Variants in STX8 observed in about 807,000 individuals in gnomAD.
STX8 encodes syntaxin 8.
STX8 carries 23 observed loss-of-function variants against 37.5 expected under a neutral mutation model. The observed-to-expected ratio is 0.61, with a 90% confidence interval of 0.44 to 0.87. The LOEUF (loss-of-function observed/expected upper bound fraction) is 0.87, where lower values mean the gene tolerates loss of function less well. Ranked by LOEUF, STX8 falls within the 40% of genes least tolerant of loss-of-function variation. STX8 has a pLI of 0.00. For synonymous variants in STX8, 115 were observed against 99.1 expected (o/e 1.16, Z -0.95); for missense variants, 313 against 284.7 (o/e 1.10, Z -0.71).
intron 4 of STX8, among the ~76,000 whole-genome samples, chr17:9,512,974 A>G (rs1299150531): frequency 6.6e-6 from 1 of 152,190 alleles, no homozygotes; most frequent in Non-Finnish European, 1.5e-5. Flanking sequence ...CTGGGAAAAG[A>G]TTTTATGAGT....
At chr17:9,434,808 T>G (rs1904367663) in intron 6 of STX8, among the ~76,000 whole-genome samples, 1 of 152,294 alleles carries the variant, frequency 6.6e-6, no homozygotes, top group East Asian at 1.9e-4. Context: ...CTACTTTTAG[T>G]TGCATGCAAA....
chr17:9,284,416 C>T (rs769833752), intron 7 of STX8, among the ~76,000 whole-genome samples: 4 of 152,144 alleles, frequency 2.6e-5, no homozygotes, highest in Admixed American at 6.5e-5. Context: ...AAATAAACTA[C>T]GGAGAAAATA....
At chr17:9,513,306 C>CT (rs1252989038) in intron 4 of STX8, among the ~76,000 whole-genome samples, 2 of 82,530 alleles carry the variant, frequency 2.4e-5, no homozygotes, top group African/African-American at 4.8e-5. Context: ...TAGTGAGACT[C>CT]TATTTCCAAA....
At chr17:9,423,808 A>G (rs1268298503) in intron 6 of STX8, among the ~76,000 whole-genome samples, 1 of 152,206 alleles carries the variant, frequency 6.6e-6, no homozygotes, top group East Asian at 1.9e-4. Context: ...AAAGCTAGAC[A>G]CTGCACCAGA....
intron 7 of STX8, among the ~76,000 whole-genome samples, chr17:9,371,134 C>A (rs575147805): frequency 6.6e-6 from 1 of 152,258 alleles, no homozygotes; most frequent in Non-Finnish European, 1.5e-5. Context: ...TGGCCCCTTG[C>A]AGTTCAGTCT....
At chr17:9,274,744 C>CTTTTTTTTTTTT (rs201550065) in intron 7 of STX8, among the ~76,000 whole-genome samples, 2 of 88,884 alleles carry the variant, frequency 2.3e-5, no homozygotes, top group Non-Finnish European at 4.5e-5. Context: ...ACAACAATTT[C>CTTTTTTTTTTTT]TTTTTTCTTT....
Position 9,362,848 on chromosome 17 carries a change from T to TA in STX8, c.643+15703dup, listed in dbSNP as rs1567798062. 5.5e-5 allele frequency among the ~76,000 whole-genome samples: 8 copies of TA among 145,184 alleles called. 1 individual carries two copies. In the South Asian group the frequency reaches 1.1e-3, roughly 20 times the overall value. ...CGTCTCAAAAAAAAAAAAAAATAAA[T>TA]AAATAAATAAATAAATAATCTCTTT... is the stretch of plus-strand genomic sequence containing the variant. On this transcript the variant is annotated intron_variant, in intron 7 of 7. Transcript: ENST00000306357.
At chr17:9,372,580 C>T (rs541984224) in intron 7 of STX8, among the ~76,000 whole-genome samples, 3 of 151,942 alleles carry the variant, frequency 2.0e-5, no homozygotes, top group South Asian at 2.1e-4. Flanking sequence ...CGGGTTCAAG[C>T]GATTCTCCTG....
chr17:9,349,792 T>C (rs578153449), intron 7 of STX8, among the ~76,000 whole-genome samples: 2 of 152,066 alleles, frequency 1.3e-5, no homozygotes, highest in African/African-American at 4.8e-5. Flanking sequence ...CTTCTTGTGA[T>C]AATGTGAGAG....
chr17:9,390,028 C>T (rs563906083), intron 6 of STX8, among the ~76,000 whole-genome samples: 8 of 152,290 alleles, frequency 5.3e-5, no homozygotes, highest in African/African-American at 1.7e-4. Flanking sequence ...AAGGAACTCC[C>T]GCAGATCAAA....
chr17:9,538,553 TATC>T (rs1272154847), intron 4 of STX8, among the ~76,000 whole-genome samples: 7 of 152,244 alleles, frequency 4.6e-5, no homozygotes, highest in East Asian at 1.9e-4. Flanking sequence ...ACATTGGAAA[TATC>T]ATGTTTTGTC....
rs555741932 is a variant in STX8, at chr17:9,314,043, T to A, written c.644-63398A>T. Among the ~76,000 whole-genome samples, 22 of 152,344 alleles carry A rather than the reference T, an allele frequency of 1.4e-4. No homozygotes were observed. In the South Asian group the frequency reaches 1.9e-3, roughly 13 times the overall value. On this transcript the variant is annotated intron_variant, in intron 7 of 7. Coordinates refer to ENST00000306357, the MANE Select transcript of STX8 (RefSeq NM_004853.3). ...TCACTGATCTCATTTGGTTTAACAG[T>A]TATTTATATACACGTCTTAACTCCC... is the stretch of plus-strand genomic sequence containing the variant.
At chr17:9,287,991 A>G (rs983921871) in intron 7 of STX8, among the ~76,000 whole-genome samples, 12 of 143,714 alleles carry the variant, frequency 8.3e-5, no homozygotes, top group African/African-American at 3.1e-4. Flanking sequence ...CTTGTGATCC[A>G]CCCGCCTCGG....
At position 9,381,715 on chromosome 17, in the gene STX8, A is replaced by C. The variant is rs889320051; in HGVS notation, c.542-3062T>G. Among the ~76,000 whole-genome samples, 3 of 152,246 alleles carry C rather than the reference A, an allele frequency of 2.0e-5. 1 individual carries two copies. The highest frequency in any genetic ancestry group is 2.0e-4 in the Admixed American group (3 of 15,286). ...GAATGGGCTGGTGGCTCACGCCTGT[A>C]ATCCCAGCACTTTGGGAGGCCGAGG... On this transcript the variant is annotated intron_variant, in intron 6 of 7. Coordinates refer to ENST00000306357, the MANE Select transcript of STX8 (RefSeq NM_004853.3).
chr17:9,341,691 C>A (rs1161468740), intron 7 of STX8, among the ~76,000 whole-genome samples: 1 of 152,156 alleles, frequency 6.6e-6, no homozygotes, highest in Non-Finnish European at 1.5e-5. Flanking sequence ...CCGGCTTCGG[C>A]CTCCTAAAGT....
At chr17:9,462,492 T>A (rs1302765037) in intron 6 of STX8, among the ~76,000 whole-genome samples, 1 of 151,838 alleles carries the variant, frequency 6.6e-6, no homozygotes, top group African/African-American at 2.4e-5. Context: ...GAGGCCGAGG[T>A]GGGAGGATCA....
chr17:9,336,119 C>G (rs1241825264), intron 7 of STX8, among the ~76,000 whole-genome samples: 2 of 152,190 alleles, frequency 1.3e-5, no homozygotes, highest in Admixed American at 1.3e-4. Context: ...TACCTGTCAA[C>G]AGCTGTGAAT....
chr17:9,440,803 G>A (rs1904620487), intron 6 of STX8, among the ~76,000 whole-genome samples: 1 of 152,126 alleles, frequency 6.6e-6, no homozygotes, highest in African/African-American at 2.4e-5. Flanking sequence ...GGGATTACAG[G>A]CGTGAGCCAC....
rs191224066 is a variant in STX8, at chr17:9,433,001, T to A, written c.542-54348A>T. Among the ~76,000 whole-genome samples the A allele has an allele frequency of 1.7e-3, 256 of 152,354 alleles. 2 individuals are homozygous for A. Among genetic ancestry groups the A allele is most frequent in the African/African-American group, 5.4e-3 (224 of 41,582 alleles). ...AACTGGTTCACTCTGGATCAACAAG[T>A]TTCCTTTGTGAGTCAAACAATATTA... is the stretch of plus-strand genomic sequence containing the variant. On this transcript the variant is annotated intron_variant, in intron 6 of 7. Coordinates refer to ENST00000306357, the MANE Select transcript of STX8 (RefSeq NM_004853.3).
Sources: allele counts gnomAD v4.1 joint callset (sites outside exome capture counted in the v4.1 genomes callset), GRCh38; gene constraint gnomAD v4.1.1; transcripts MANE v1.5; gene names NCBI Gene and HGNC (gene_info 2026-07-23, HGNC 2026-07-21).